SLC2A13: variants seen among roughly 807,000 people sequenced by gnomAD.
SLC2A13 encodes the protein solute carrier family 2 member 13.
Under a neutral mutation model 64.4 loss-of-function variants are expected in SLC2A13, and 32 were observed. The ratio of observed to expected loss-of-function variants is 0.50; its 90% CI spans 0.37 to 0.67. The LOEUF (loss-of-function observed/expected upper bound fraction) is 0.67. SLC2A13 is among the 30% of genes least tolerant of loss of function. The probability of loss-of-function intolerance (pLI) is 0.00; values close to 1 mark genes in which losing one functional copy is unlikely to be tolerated. For synonymous variants in SLC2A13, 338 were observed against 327.1 expected (o/e 1.03, Z -0.36); for missense variants, 743 against 829.2 (o/e 0.90, Z 1.28).
intron 1 of SLC2A13, among the ~76,000 whole-genome samples, chr12:40,056,321 A>G (rs1948332787): frequency 6.6e-6 from 1 of 152,156 alleles, no homozygotes; most frequent in Non-Finnish European, 1.5e-5. Flanking sequence ...AAGGCCAGGG[A>G]AAAACACAGA....
Position 39,914,430 on chromosome 12 carries a change from C to T in SLC2A13, c.1034+36827G>A, listed in dbSNP as rs867553753. On this transcript the variant is annotated intron_variant, in intron 4 of 9. Coordinates refer to ENST00000280871, the MANE Select transcript of SLC2A13 (RefSeq NM_052885.4). ...ATAAGGACAGAGAACTCTGAAAGAA[C>T]GTAAAAATGAGGTGAGCTCTGCAAG... Among the ~76,000 whole-genome samples, 8 of 151,888 alleles carry T rather than the reference C, an allele frequency of 5.3e-5. 1 individual carries two copies. Among genetic ancestry groups the T allele is most frequent in the South Asian group, 4.2e-4 (2 of 4,816 alleles).
At chr12:39,854,127 T>C (rs1943542804) in intron 6 of SLC2A13, among the ~76,000 whole-genome samples, 1 of 151,824 alleles carries the variant, frequency 6.6e-6, no homozygotes, top group Non-Finnish European at 1.5e-5. Context: ...GGCCATTAGC[T>C]TGACTAAGGG....
At chr12:40,102,308 C>T (rs961332099) in intron 1 of SLC2A13, among the ~76,000 whole-genome samples, 21 of 152,330 alleles carry the variant, frequency 1.4e-4, no homozygotes, top group African/African-American at 5.1e-4. Flanking sequence ...ATAATGATTT[C>T]ATTAAACTAT....
intron 3 of SLC2A13, among the ~76,000 whole-genome samples, chr12:40,021,035 A>G (rs1947706623): frequency 6.6e-6 from 1 of 152,166 alleles, no homozygotes; most frequent in African/African-American, 2.4e-5. Flanking sequence ...TTCTTTCTGC[A>G]TGGATCTTCT....
intron 1 of SLC2A13, among the ~76,000 whole-genome samples, chr12:40,099,389 T>C (rs141533568): frequency 2.0e-5 from 3 of 152,254 alleles, no homozygotes; most frequent in African/African-American, 4.8e-5. Context: ...AAAAGAAAAT[T>C]AGACTCAGGT....
chr12:40,087,275 A>T lies in SLC2A13; in HGVS notation c.556+17978T>A, dbSNP rs540965060. Among the ~76,000 whole-genome samples the T allele has an allele frequency of 5.9e-5, 9 of 152,302 alleles. 1 individual carries two copies. The South Asian group carries it at 1.9e-3, about 32-fold the overall frequency. ...CTCTTGAAGCTACTTTCAAGAGTGT[A>T]ACTTTAGAGTTTAACATTTTCATAG... On this transcript the variant is annotated intron_variant, in intron 1 of 9. Coordinates refer to ENST00000280871, the MANE Select transcript of SLC2A13 (RefSeq NM_052885.4).
chr12:40,062,430 T>C (rs1948437448), intron 1 of SLC2A13, among the ~76,000 whole-genome samples: 1 of 151,714 alleles, frequency 6.6e-6, no homozygotes, highest in African/African-American at 2.4e-5. Context: ...CTTGTGAACA[T>C]GGATACTGAT....
chr12:40,065,823 A>G (rs1937697285), intron 1 of SLC2A13, among the ~76,000 whole-genome samples: 1 of 152,230 alleles, frequency 6.6e-6, no homozygotes, highest in Non-Finnish European at 1.5e-5. Flanking sequence ...CAGGTTTTAC[A>G]TAAGTGTTTT....
At chr12:40,001,869 G>A (rs1055989141) in intron 3 of SLC2A13, among the ~76,000 whole-genome samples, 6 of 152,124 alleles carry the variant, frequency 3.9e-5, no homozygotes, top group South Asian at 2.1e-4. Context: ...CAGCATTTTC[G>A]TTGATAATTT....
intron 7 of SLC2A13, among the ~76,000 whole-genome samples, chr12:39,823,185 T>G (rs1942573837): frequency 6.6e-6 from 1 of 152,180 alleles, no homozygotes; most frequent in Admixed American, 6.5e-5. Context: ...AAAGTATAAT[T>G]TTAAAAGTCA....
At chr12:39,915,686 C>T (rs1945510210) in intron 4 of SLC2A13, among the ~76,000 whole-genome samples, 1 of 151,326 alleles carries the variant, frequency 6.6e-6, no homozygotes, top group African/African-American at 2.4e-5. Context: ...AAAGAAAGCA[C>T]AAAAGTTTAG....
intron 7 of SLC2A13, among the ~76,000 whole-genome samples, chr12:39,790,050 C>A (rs1183838913): frequency 2.0e-5 from 3 of 150,910 alleles, no homozygotes; most frequent in East Asian, 3.9e-4. Context: ...TTATTTAACC[C>A]AATATATCCT....
At chr12:40,083,471 G>C (rs540519643) in intron 1 of SLC2A13, among the ~76,000 whole-genome samples, 1 of 152,204 alleles carries the variant, frequency 6.6e-6, no homozygotes, top group African/African-American at 2.4e-5. Context: ...TAGACCCCAG[G>C]GATCCCTTTT....
chr12:39,826,864 T>TTTTTTTTTTTTTTTTTTTTTC (rs908001616), intron 7 of SLC2A13, among the ~76,000 whole-genome samples: 1 of 143,508 alleles, frequency 7.0e-6, no homozygotes, highest in Non-Finnish European at 1.5e-5. Context: ...ATTTTTTTTT[T>TTTTTTTTTTTTTTTTTTTTTC]TTTTTTTTGC....
chr12:39,935,004 T>A (rs1159850843), intron 4 of SLC2A13, among the ~76,000 whole-genome samples: 2 of 152,192 alleles, frequency 1.3e-5, no homozygotes, highest in Non-Finnish European at 2.9e-5. Context: ...ACTGACTAAC[T>A]TAGATTTTCA....
intron 3 of SLC2A13, among the ~76,000 whole-genome samples, chr12:40,003,660 CAA>C (rs1225015262): frequency 2.6e-5 from 4 of 151,486 alleles, no homozygotes; most frequent in Non-Finnish European, 5.9e-5. Context: ...AAGAAACACT[CAA>C]GAGGTATCAT....
At chr12:39,998,351 A>C (rs2136177793) in intron 3 of SLC2A13, among the ~76,000 whole-genome samples, 1 of 152,356 alleles carries the variant, frequency 6.6e-6, no homozygotes, top group Non-Finnish European at 1.5e-5. Context: ...CAAAGGCATA[A>C]GAATGAAACA....
chr12:39,910,099 C>A (rs1592275768), intron 4 of SLC2A13, among the ~76,000 whole-genome samples: 1 of 152,176 alleles, frequency 6.6e-6, no homozygotes, highest in South Asian at 2.1e-4. Flanking sequence ...AGAACCCTGT[C>A]CCCTGCTTCC....
At chr12:39,940,660 C>T (rs935907926) in intron 4 of SLC2A13, among the ~76,000 whole-genome samples, 1 of 151,654 alleles carries the variant, frequency 6.6e-6, no homozygotes, top group African/African-American at 2.4e-5. Flanking sequence ...TTTTTTAGCA[C>T]ACAAAAAGCC....
Sources: allele counts gnomAD v4.1 joint callset (sites outside exome capture counted in the v4.1 genomes callset), GRCh38; gene constraint gnomAD v4.1.1; transcripts MANE v1.5; gene names NCBI Gene and HGNC (gene_info 2026-07-23, HGNC 2026-07-21).